DPP6: variants seen among roughly 807,000 people sequenced by gnomAD.
DPP6 encodes dipeptidyl peptidase like 6.
Under a neutral mutation model 122.6 loss-of-function variants are expected in DPP6, and 69 were observed. That is an observed-to-expected ratio of 0.56 (90% CI 0.46 to 0.69). The LOEUF (loss-of-function observed/expected upper bound fraction) is 0.69, where lower values mean the gene tolerates loss of function less well. Ranked by LOEUF, DPP6 falls within the 30% of genes least tolerant of loss-of-function variation. DPP6 has a pLI of 0.00. For synonymous variants in DPP6, 418 were observed against 433.1 expected (o/e 0.97, Z 0.43); for missense variants, 928 against 1,116.9 (o/e 0.83, Z 2.41).
intron 5 of DPP6, among the ~76,000 whole-genome samples, chr7:154,592,806 A>AG (rs1832882765): frequency 6.6e-6 from 1 of 152,180 alleles, no homozygotes; most frequent in Non-Finnish European, 1.5e-5. Flanking sequence ...AACTACACAC[A>AG]GGGGCAGGCT....
At chr7:154,311,445 C>T (rs893534149) in intron 1 of DPP6, among the ~76,000 whole-genome samples, 4 of 151,260 alleles carry the variant, frequency 2.6e-5, no homozygotes, top group East Asian at 3.9e-4. Context: ...TGCAGTGAGC[C>T]GTGATCACAC....
At chr7:154,526,813 G>C (rs1016417417) in intron 3 of DPP6, among the ~76,000 whole-genome samples, 2 of 152,136 alleles carry the variant, frequency 1.3e-5, no homozygotes, top group African/African-American at 4.8e-5. Flanking sequence ...ATCTACATCT[G>C]GACTGAAGAC....
chr7:154,085,076 AAG>A (rs2150536238), intron 1 of DPP6, among the ~76,000 whole-genome samples: 1 of 152,104 alleles, frequency 6.6e-6, no homozygotes, highest in Non-Finnish European at 1.5e-5. Context: ...ACAAATTCAG[AAG>A]AGCTTCATTA....
At chr7:154,855,809 C>T (rs1038134324) in intron 17 of DPP6, among the ~76,000 whole-genome samples, 3 of 152,222 alleles carry the variant, frequency 2.0e-5, no homozygotes, top group Non-Finnish European at 2.9e-5. Context: ...TGCATAGAGC[C>T]TCAACTGTGA....
chr7:154,233,798 C>G (rs1467332499), intron 1 of DPP6, among the ~76,000 whole-genome samples: 2 of 152,202 alleles, frequency 1.3e-5, no homozygotes, highest in African/African-American at 4.8e-5. Context: ...GCCACCTGAT[C>G]TGTAGGACTT....
intron 16 of DPP6, among the ~76,000 whole-genome samples, chr7:154,825,540 G>A (rs1009852659): frequency 5.9e-5 from 9 of 152,204 alleles, no homozygotes; most frequent in African/African-American, 2.2e-4. Context: ...ACCGACGTGA[G>A]CATCTGTCCA....
intron 3 of DPP6, among the ~76,000 whole-genome samples, chr7:154,484,062 G>A (rs1442455951): frequency 6.6e-6 from 1 of 152,150 alleles, no homozygotes; most frequent in Admixed American, 6.5e-5. Flanking sequence ...AGGCCAACTG[G>A]CTTTGTCTCC....
chr7:154,892,851 C>T lies in DPP6; in HGVS notation c.*371C>T, dbSNP rs77261106. 2.6e-3 allele frequency: 1,426 copies of T among 541,492 alleles called. 17 individuals are homozygous for T. Among genetic ancestry groups the T allele is most frequent in the African/African-American group, 0.025 (1,303 of 52,962 alleles). The allele number at this position is 541,492 out of a possible 1,614,324, so 33.5% of individuals were successfully genotyped here. A position where few individuals can be genotyped will look rare whatever the true frequency, so the allele number is the denominator to read the frequency against. Reference sequence around the variant, plus strand: ...CAGCCACCAAGCGGAAGCATGAGACCCGCCCACACTAGCCTCTGTGTTCCC... The same window carrying T: ...CAGCCACCAAGCGGAAGCATGAGACTCGCCCACACTAGCCTCTGTGTTCCC... On this transcript the variant is annotated 3_prime_UTR_variant, in exon 26 of 26. Coordinates refer to ENST00000377770, the MANE Select transcript of DPP6 (RefSeq NM_130797.4).
intron 3 of DPP6, among the ~76,000 whole-genome samples, chr7:154,497,725 T>TA (rs2151401372): frequency 6.6e-6 from 1 of 152,312 alleles, no homozygotes; most frequent in Admixed American, 6.5e-5. Context: ...AATAAATGTA[T>TA]GCCCATTTTT....
intron 1 of DPP6, among the ~76,000 whole-genome samples, chr7:154,406,345 A>G (rs1038183925): frequency 6.6e-5 from 10 of 152,180 alleles, no homozygotes; most frequent in African/African-American, 2.4e-4. Flanking sequence ...AAATTATTTC[A>G]TAATAATTTT....
chr7:153,889,496 C>T (rs1033034572), intron 1 of DPP6, among the ~76,000 whole-genome samples: 4 of 152,198 alleles, frequency 2.6e-5, no homozygotes, highest in Non-Finnish European at 5.9e-5. Flanking sequence ...TGACTCATTA[C>T]ATCAATCTAC....
Position 154,587,743 on chromosome 7 carries a change from CA to C in DPP6, c.627+20828del. ...TCAAGCCTGTAGCCCAGCTTGTCACCAGGGCTGTTTTCTTCATTACATCACC... is the reference window on the plus strand; with the variant it reads ...TCAAGCCTGTAGCCCAGCTTGTCACCGGGCTGTTTTCTTCATTACATCACC... On this transcript the variant is annotated intron_variant, in intron 5 of 25. Transcript: ENST00000377770. The C allele has an allele frequency of 1.9e-6, 3 of 1,574,060 alleles. No homozygotes were observed. In the South Asian group the frequency reaches 3.5e-5, roughly 18 times the overall value.
chr7:154,560,134 G>A (rs150436943), intron 4 of DPP6, among the ~76,000 whole-genome samples: 2,260 of 151,956 alleles, frequency 0.015, 28 homozygotes, highest in South Asian at 0.036. Flanking sequence ...ACAGAAGGAG[G>A]TGTGCCAGGA....
chr7:154,333,738 G>A (rs4726409), intron 1 of DPP6, among the ~76,000 whole-genome samples: 60,978 of 152,068 alleles, frequency 0.4, 14,478 homozygotes, highest in East Asian at 0.64. Context: ...TCAAGAATTC[G>A]AGATCCAAAA....
chr7:153,916,566 G>C (rs926168051), intron 1 of DPP6, among the ~76,000 whole-genome samples: 1 of 151,518 alleles, frequency 6.6e-6, no homozygotes, highest in Non-Finnish European at 1.5e-5. Context: ...CCACCATCAC[G>C]CCCAGCTAAT....
In DPP6 at chr7:153,966,897, T is replaced by C. The variant is rs527850545; in HGVS notation, c.51+79163T>C. ...GCCTGAGCAACATGGAAAAGCCCCA[T>C]CTCTACCAAAAATAGAAAAATGAGC... On this transcript the variant is annotated intron_variant, in intron 1 of 25. Coordinates refer to the DPP6 transcript ENST00000404039. Among the ~76,000 whole-genome samples, 11 of 151,436 alleles carry C rather than the reference T, an allele frequency of 7.3e-5. No homozygotes were observed. The South Asian group carries it at 1.0e-3, about 14-fold the overall frequency.
At chr7:153,778,588 C>G in the DPP6 span, among the ~76,000 whole-genome samples, 2 of 149,182 alleles carry the variant, frequency 1.3e-5, no homozygotes, top group African/African-American at 5.2e-5. Flanking sequence ...TCTACAATTC[C>G]GTCAGCACCA....
chr7:154,326,763 C>T (rs1406516086), intron 1 of DPP6, among the ~76,000 whole-genome samples: 2 of 152,220 alleles, frequency 1.3e-5, no homozygotes, highest in African/African-American at 4.8e-5. Context: ...GCTAGCTGTT[C>T]AATGCTAATT....
chr7:154,260,431 A>G (rs1802937749), intron 1 of DPP6, among the ~76,000 whole-genome samples: 1 of 151,824 alleles, frequency 6.6e-6, no homozygotes, highest in Non-Finnish European at 1.5e-5. Flanking sequence ...ATAGTCTTTT[A>G]TTCCTCACCC....
Sources: gnomAD v4.1 joint callset for allele counts (sites outside exome capture counted in the v4.1 genomes callset) on GRCh38, gnomAD v4.1.1 for gene constraint, MANE v1.5 for transcripts, NCBI Gene and HGNC (gene_info 2026-07-23, HGNC 2026-07-21) for gene names.